The following AP2B1 variants were observed in gnomAD, a reference collection of about 807,000 sequenced individuals.
AP2B1 encodes the protein adaptor related protein complex 2 subunit beta 1.
A neutral mutation model predicts 102.0 loss-of-function variants in AP2B1; 23 were observed. The observed-to-expected ratio is 0.23, with a 90% confidence interval of 0.16 to 0.32. The LOEUF is 0.32. Among genes scored for constraint, AP2B1 ranks in the 10% least tolerant of loss-of-function variants. The pLI, the probability that AP2B1 is intolerant of heterozygous loss-of-function variation, is 1.00. For synonymous variants in AP2B1, 381 were observed against 421.2 expected, an observed-to-expected ratio of 0.90 and a Z score of 1.17; for missense variants, 541 against 1,157.4, an observed-to-expected ratio of 0.47 and a Z score of 7.73.
chr17:35,703,393 A>G (rs587747433), intron 18 of AP2B1, among the ~76,000 whole-genome samples: 27 of 152,292 alleles, frequency 1.8e-4, no homozygotes, highest in African/African-American at 6.3e-4. Context: ...TGTTCATTGC[A>G]GCACTATTCA....
rs746812972 is a variant in AP2B1 at position 35,723,936 on chromosome 17, A to C, written c.*237A>C. ...CCACCTCTTGCCACCTGCTGCTGCT[A>C]TCTGTCCTTACTTGTGGGCTTCTCC... On this transcript the variant is annotated 3_prime_UTR_variant, in exon 22 of 22. Transcript: ENST00000610402. 2 of 443,536 alleles carry C rather than the reference A, an allele frequency of 4.5e-6. No homozygotes were observed. The highest frequency in any genetic ancestry group is 3.9e-5 in the African/African-American group (2 of 51,874). The allele number at this position is 443,536 out of a possible 1,614,324, so 27.5% of individuals were successfully genotyped here. A position where few individuals can be genotyped will look rare whatever the true frequency, so the allele number is the denominator to read the frequency against.
At chr17:35,596,219 C>T (rs1480709019) in intron 2 of AP2B1, among the ~76,000 whole-genome samples, 3 of 152,192 alleles carry the variant, frequency 2.0e-5, no homozygotes, top group Non-Finnish European at 4.4e-5. Context: ...CTTTCTGAAA[C>T]CCCGCCGTTT....
intron 3 of AP2B1, chr17:35,600,871 A>T: frequency 2.8e-6 from 1 of 359,382 alleles, no homozygotes; most frequent in South Asian, 1.1e-4. Flanking sequence ...TGCTTCCCTA[A>T]CCAGACGGGG....
chr17:35,646,509 A>G (rs867332330), intron 12 of AP2B1, among the ~76,000 whole-genome samples: 1 of 151,874 alleles, frequency 6.6e-6, no homozygotes, highest in Admixed American at 6.6e-5. Flanking sequence ...CAGTAACTCT[A>G]TCTCCAGTAG....
chr17:35,610,644 A>G (rs1046352137), intron 5 of AP2B1, among the ~76,000 whole-genome samples: 1 of 151,392 alleles, frequency 6.6e-6, no homozygotes, highest in Admixed American at 6.6e-5. Flanking sequence ...GCAGTGGCTC[A>G]TGCCTGTAAT....
At chr17:35,614,112 C>T (rs868811346) in intron 5 of AP2B1, among the ~76,000 whole-genome samples, 4 of 152,118 alleles carry the variant, frequency 2.6e-5, no homozygotes, top group African/African-American at 7.2e-5. Flanking sequence ...AGTTAACTTA[C>T]GTATATTAGA....
Position 35,624,455 on chromosome 17 carries a change from A to G in AP2B1, c.584A>G (p.Asn195Ser), listed in dbSNP as rs760436832. The G allele has an allele frequency of 5.6e-6, 9 of 1,614,070 alleles. No homozygotes were observed. The highest frequency in any genetic ancestry group is 2.2e-5 in the South Asian group (2 of 91,086). ...SEISESHPNS[N>S]LLDLNPQNIN... is the part of the protein sequence containing the mutation. The stretch of plus-strand genomic sequence containing the variant: ...ATCAGTGAGTCTCACCCAAACAGCA[A>G]CTTACTTGATCTGAACCCACAGAAC... The change falls in exon 6 of 22, where the codon AAC becomes AGC. Residue 195 changes from asparagine to serine, a missense_variant. By Grantham distance (46) the Asn-to-Ser change is conservative. Coordinates refer to ENST00000610402, the MANE Select transcript of AP2B1 (RefSeq NM_001030006.2).
chr17:35,643,943 A>G (rs1272322193), intron 12 of AP2B1, among the ~76,000 whole-genome samples: 3 of 152,204 alleles, frequency 2.0e-5, no homozygotes, highest in Admixed American at 1.3e-4. Context: ...CCTTAGAATC[A>G]CATTTAACAA....
intron 12 of AP2B1, among the ~76,000 whole-genome samples, chr17:35,646,147 T>C (rs971909929): frequency 2.6e-5 from 4 of 152,216 alleles, no homozygotes; most frequent in African/African-American, 7.2e-5. Flanking sequence ...CTGGTAAGTA[T>C]TGTTTTGGGA....
intron 14 of AP2B1, among the ~76,000 whole-genome samples, chr17:35,667,106 T>G (rs1294910183): frequency 1.3e-5 from 2 of 152,230 alleles, no homozygotes; most frequent in Non-Finnish European, 2.9e-5. Flanking sequence ...TGTTTATCAC[T>G]TGTAGATAGG....
intron 18 of AP2B1, among the ~76,000 whole-genome samples, chr17:35,707,134 CTTGTTG>C (rs71366478): frequency 4.0e-5 from 6 of 150,866 alleles, no homozygotes; most frequent in Non-Finnish European, 8.9e-5. Context: ...TGGTACATCC[CTTGTTG>C]TTGTTGTTGT....
At chr17:35,678,461 G>A (rs1011567633) in intron 17 of AP2B1, among the ~76,000 whole-genome samples, 2 of 152,172 alleles carry the variant, frequency 1.3e-5, no homozygotes, top group Admixed American at 1.3e-4. Flanking sequence ...TAATTCATGG[G>A]AGAAGCATTC....
intron 5 of AP2B1, among the ~76,000 whole-genome samples, chr17:35,611,584 C>T (rs947758719): frequency 1.3e-5 from 2 of 151,976 alleles, no homozygotes; most frequent in East Asian, 1.9e-4. Flanking sequence ...TTAGTTTGTC[C>T]GATTTATTCA....
rs80030874 is a variant in AP2B1, at chr17:35,707,861, C to T, written c.2455-1363C>T. On this transcript the variant is annotated intron_variant, in intron 18 of 21. Coordinates refer to ENST00000610402, the MANE Select transcript of AP2B1 (RefSeq NM_001030006.2). Reference sequence around the variant, plus strand: ...GAGAATCCTATCTCAGCATTTTGGGCATCAGGCCATGTTATATATAGGTCA... The same window carrying T: ...GAGAATCCTATCTCAGCATTTTGGGTATCAGGCCATGTTATATATAGGTCA... 8.5e-3 allele frequency among the ~76,000 whole-genome samples: 1,294 copies of T among 152,316 alleles called. 11 individuals are homozygous for T. The highest frequency in any genetic ancestry group is 0.026 in the African/African-American group (1,070 of 41,558).
chr17:35,658,874 A>T (rs2075295524), intron 14 of AP2B1, among the ~76,000 whole-genome samples: 2 of 152,144 alleles, frequency 1.3e-5, no homozygotes. Context: ...CAGAGAGTCT[A>T]AGGAAATAGG....
intron 18 of AP2B1, among the ~76,000 whole-genome samples, chr17:35,706,186 A>T (rs1267710935): frequency 2.6e-5 from 4 of 152,210 alleles, no homozygotes; most frequent in Admixed American, 1.3e-4. Flanking sequence ...TCAGCAAGAG[A>T]GTCAGTGGCT....
chr17:35,675,786 T>A (rs2075687641), intron 17 of AP2B1, among the ~76,000 whole-genome samples: 1 of 152,090 alleles, frequency 6.6e-6, no homozygotes, highest in African/African-American at 2.4e-5. Context: ...ATTCATTTAT[T>A]GACTCTTTGT....
chr17:35,651,264 A>T (rs1285814537), intron 13 of AP2B1, among the ~76,000 whole-genome samples: 1 of 150,924 alleles, frequency 6.6e-6, no homozygotes, highest in Non-Finnish European at 1.5e-5. Flanking sequence ...ATGAAATAAT[A>T]TTTCAGTATT....
At chr17:35,593,417 C>T (rs141145695) in intron 1 of AP2B1, among the ~76,000 whole-genome samples, 42 of 147,296 alleles carry the variant, frequency 2.9e-4, no homozygotes, top group Middle Eastern at 3.4e-3. Context: ...TGTACCTATA[C>T]GCACCTACTA....
Sources: allele counts gnomAD v4.1 joint callset (sites outside exome capture counted in the v4.1 genomes callset), GRCh38; gene constraint gnomAD v4.1.1; transcripts MANE v1.5; gene names NCBI Gene and HGNC (gene_info 2026-07-23, HGNC 2026-07-21).